The following UBL7 variants were observed in gnomAD, a reference collection of about 807,000 sequenced individuals.
UBL7 encodes the protein ubiquitin-like protein 7.
UBL7 carries 21 observed loss-of-function variants against 41.7 expected under a neutral mutation model. The ratio of observed to expected loss-of-function variants is 0.50; its 90% CI spans 0.36 to 0.73. UBL7 has a LOEUF of 0.73. Among genes scored for constraint, UBL7 ranks in the 30% least tolerant of loss-of-function variants. The pLI is 0.00. For missense variants in UBL7, 403 were observed against 478.4 expected (o/e 0.84, Z 1.47); for synonymous variants, 157 against 186.9 (o/e 0.84, Z 1.31).
intron 3 of UBL7, among the ~76,000 whole-genome samples, chr15:74,455,558 T>G (rs2061285976): frequency 6.6e-6 from 1 of 152,218 alleles, no homozygotes; most frequent in South Asian, 2.1e-4. Context: ...TGCCAAAAGT[T>G]TCCAGCTTTT....
chr15:74,451,492 G>A lies in UBL7; in HGVS notation c.416C>T (p.Ser139Phe). Residue 139 changes from serine to phenylalanine, a missense_variant, in exon 5 of 11, where the codon TCT becomes TTT. Physicochemically the swap from Ser to Phe is radical, Grantham distance 155. Transcript: ENST00000395081. ...AVFKMLSNKE[S>F]LDQIIVATPG... ...GGTGGCCACAATGATCTGATCCAGA[G>A]ACTCCTTATTGCTGAGCATCTTAAA... 6.2e-7 allele frequency: 1 copy of A among 1,614,108 alleles called. No individual in the cohort carries two copies. The highest frequency in any genetic ancestry group is 8.5e-7 in the Non-Finnish European group (1 of 1,180,034).
chr15:74,450,497 T>G (rs919424204), intron 6 of UBL7, among the ~76,000 whole-genome samples: 3 of 152,232 alleles, frequency 2.0e-5, no homozygotes, highest in Non-Finnish European at 4.4e-5. Context: ...TTTACGGATC[T>G]GTACACCTGC....
In UBL7 at chr15:74,450,848, C is replaced by T; in HGVS notation, c.484G>A (p.Asp162Asn). ...GCGAAGACAGAGAAGAGGTCCTTGT[C>T]CTGGAGAACCCCTGAAAAAGAGCAG... is the stretch of plus-strand genomic sequence containing the variant. ...SDPIALGVLQ[D>N]KDLFSVFADP... is the part of the protein sequence containing the mutation. The change falls in exon 6 of 11, where the codon GAC becomes AAC. Residue 162 changes from aspartate to asparagine, a missense_variant. Coordinates refer to ENST00000395081, the MANE Select transcript of UBL7 (RefSeq NM_032907.5). 6.2e-7 allele frequency: 1 copy of T among 1,613,534 alleles called. No individual in the cohort carries two copies. Among genetic ancestry groups the T allele is most frequent in the East Asian group, 2.2e-5 (1 of 44,872 alleles).
chr15:74,449,971 C>T lies in UBL7; in HGVS notation c.629G>A (p.Arg210Gln), dbSNP rs755501444. 3 of 1,613,118 alleles carry T rather than the reference C, an allele frequency of 1.9e-6. No individual in the cohort carries two copies. Among genetic ancestry groups the T allele is most frequent in the African/African-American group, 1.3e-5 (1 of 75,034 alleles). ...CCGGTATGAGCTGGAGGGCATGCTCCGGGAAGAGGAGTCAGTCCCAGGCAT... is the reference window on the plus strand; with the variant it reads ...CCGGTATGAGCTGGAGGGCATGCTCTGGGAAGAGGAGTCAGTCCCAGGCAT... ...APMPGTDSSSRSMPSSSYRDM... is the reference protein window; with the variant it reads ...APMPGTDSSSQSMPSSSYRDM... The change falls in exon 7 of 11, where the codon CGG becomes CAG. Residue 210 changes from arginine to glutamine, a missense_variant. By Grantham distance (43) the Arg-to-Gln change is conservative. Coordinates refer to ENST00000395081, the MANE Select transcript of UBL7 (RefSeq NM_032907.5).
intron 2 of UBL7, 141 bp from the exon 3 acceptor site, chr15:74,456,812 A>G (rs2061299410): frequency 2.8e-6 from 3 of 1,053,540 alleles, no homozygotes; most frequent in Non-Finnish European, 4.0e-6. Context: ...CTTAACAAAT[A>G]CTTTTTTTTT....
chr15:74,448,367 T>C lies in UBL7; in HGVS notation c.1005+111A>G, dbSNP rs2061205982. The C allele has an allele frequency of 2.6e-6, 4 of 1,512,372 alleles. No individual in the cohort carries two copies. In the South Asian group the frequency reaches 4.8e-5, roughly 18 times the overall value. 93.7% of individuals were successfully genotyped at this position (1,512,372 alleles called of 1,614,324 possible). ...TGTCCCACTGCCATGCTCCAGCTGT[T>C]CCTAGAATGAAGCATGCCAGGTGTG... On this transcript the variant is annotated intron_variant, in intron 10 of 10. Transcript: ENST00000395081.
At chr15:74,450,160 C>A in intron 6 of UBL7, 91 bp from the exon 7 acceptor site, 1 of 1,414,044 alleles carries the variant, frequency 7.1e-7, no homozygotes, top group Non-Finnish European at 9.4e-7. Context: ...CACAACAATG[C>A]AGCCACCTGT....
Position 74,451,898 on chromosome 15 carries a change from G to A in UBL7, c.388-378C>T, listed in dbSNP as rs550849579. On this transcript the variant is annotated intron_variant, in intron 4 of 10. Coordinates refer to ENST00000395081, the MANE Select transcript of UBL7 (RefSeq NM_032907.5). ...TTACTATTTCATATTTGTATATATC[G>A]CTAAGTTCACAGCTATACTAATTTT... 4.0e-4 allele frequency among the ~76,000 whole-genome samples: 61 copies of A among 152,048 alleles called. 1 individual carries two copies. The highest frequency in any genetic ancestry group is 1.4e-3 in the African/African-American group (58 of 41,436).
chr15:74,456,433 T>G, intron 3 of UBL7, 119 bp downstream of exon 3: 1 of 1,326,538 alleles, frequency 7.5e-7, no homozygotes, highest in Non-Finnish European at 1.0e-6. Flanking sequence ...ATATCATTTA[T>G]CATCAGCTCA....
At chr15:74,449,483 G>C in intron 8 of UBL7, 130 bp from the exon 9 acceptor site, 3 of 1,537,484 alleles carry the variant, frequency 2.0e-6, no homozygotes, top group Non-Finnish European at 2.7e-6. Context: ...TCCAAAAGCA[G>C]AAATAGTATG....
At chr15:74,457,145 T>G (rs2061302527) in intron 2 of UBL7, among the ~76,000 whole-genome samples, 1 of 152,198 alleles carries the variant, frequency 6.6e-6, no homozygotes. Context: ...TTTGCAAATA[T>G]AAACTCATAA....
intron 6 of UBL7, 114 bp downstream of exon 6, chr15:74,450,688 A>C: frequency 8.9e-7 from 1 of 1,128,500 alleles, no homozygotes; most frequent in Non-Finnish European, 1.3e-6. Context: ...TAAGGGGTAG[A>C]CTTGGTGACA....
chr15:74,449,239 C>A lies in UBL7; in HGVS notation c.829G>T (p.Ala277Ser). The change falls in exon 9 of 11, where the codon GCC becomes TCC. Residue 277 changes from alanine (A) to serine (S), a missense_variant. Physicochemically the swap from Ala to Ser is moderately conservative, Grantham distance 99 (BLOSUM62 1). Transcript: ENST00000395081. ...CTGCTCTCCGGAGTGCTGGCCAGGG[C>A]CAAGGCGGTGGCCAGCTCACTCTGG... ...ITQSELATALALASTPESSSH... is the reference protein window; with the variant it reads ...ITQSELATALSLASTPESSSH... 6.2e-7 allele frequency: 1 copy of A among 1,607,440 alleles called. No homozygotes were observed. Among genetic ancestry groups the A allele is most frequent in the South Asian group, 1.1e-5 (1 of 90,122 alleles).
chr15:74,454,194 C>A (rs1355173686), intron 3 of UBL7, among the ~76,000 whole-genome samples: 1 of 152,176 alleles, frequency 6.6e-6, no homozygotes, highest in Non-Finnish European at 1.5e-5. Context: ...CCCTGCAGGG[C>A]CACTGTAATG....
At position 74,459,132 on chromosome 15, in the gene UBL7, T is replaced by A. The variant is rs1485962781; in HGVS notation, c.-29-236A>T. On this transcript the variant is annotated intron_variant, in intron 1 of 10. Coordinates refer to ENST00000395081, the MANE Select transcript of UBL7 (RefSeq NM_032907.5). The stretch of plus-strand genomic sequence containing the variant: ...ACGTGGACATAAAAACGCCATCCAA[T>A]CTAATAGGAATGTTGTGAGAGAGAT... 4 of 456,902 alleles carry A rather than the reference T, an allele frequency of 8.8e-6. No homozygotes were observed. The East Asian group carries it at 1.5e-4, about 17-fold the overall frequency. 28.3% of individuals were successfully genotyped at this position (456,902 alleles called of 1,614,324 possible). A position where few individuals can be genotyped will look rare whatever the true frequency, so the allele number is the denominator to read the frequency against.
intron 1 of UBL7, among the ~76,000 whole-genome samples, chr15:74,460,472 C>A (rs192359854): frequency 6.6e-6 from 1 of 152,122 alleles, no homozygotes; most frequent in Admixed American, 6.6e-5. Flanking sequence ...TTTCTCTTCC[C>A]TTTTTGGCCT....
In UBL7 at chr15:74,458,781, TTC is replaced by T; in HGVS notation, c.85_86del (p.Glu29ThrfsTer10). On this transcript the variant is annotated frameshift_variant, in exon 2 of 11. Coordinates refer to ENST00000395081, the MANE Select transcript of UBL7 (RefSeq NM_032907.5). LOFTEE classifies it high-confidence loss of function. ...PKSILRLPET[E>X]LGEYSLGGYS... ...AGCCCCCTAGCGAGTATTCTCCCAG[TTC>T]TGTCTCTGGCAACCGAAGAATAGAC... 1 of 1,614,012 alleles carries T rather than the reference TTC, an allele frequency of 6.2e-7. No individual in the cohort carries two copies. Among genetic ancestry groups the T allele is most frequent in the Non-Finnish European group, 8.5e-7 (1 of 1,180,042 alleles).
At position 74,458,879 on chromosome 15, in the gene UBL7, C is replaced by T. The variant is rs367683151; in HGVS notation, c.-12G>A. 9.3e-6 allele frequency: 15 copies of T among 1,607,212 alleles called. No individual in the cohort carries two copies. In the African/African-American group the frequency reaches 1.2e-4, roughly 13 times the overall value. On this transcript the variant is annotated 5_prime_UTR_variant, in exon 2 of 11. Transcript: ENST00000395081. Reference sequence around the variant, plus strand: ...TCTGAGAGAGACATCCTCTCTCTTTCGCGCTCTCTCTTTCTCCCTGTAAAA... The same window carrying T: ...TCTGAGAGAGACATCCTCTCTCTTTTGCGCTCTCTCTTTCTCCCTGTAAAA...
rs2061207163 is a variant in UBL7 at position 74,448,492 on chromosome 15, G to T, written c.991C>A (p.Gln331Lys). ...GGAAGACTGACCTGAAGGCTGGGCT[G>T]CCCAGAGGCCTGAAGGGCATGCTGT... ...ALQHALQASG[Q>K]PSLQSQWQPQ... The change falls in exon 10 of 11, where the codon CAG becomes AAG. Residue 331 changes from glutamine (Q) to lysine (K), a missense_variant. By Grantham distance (53) the Gln-to-Lys change is moderately conservative (BLOSUM62 1). Coordinates refer to ENST00000395081, the MANE Select transcript of UBL7 (RefSeq NM_032907.5). 1 of 1,614,006 alleles carries T rather than the reference G, an allele frequency of 6.2e-7. No homozygotes were observed. The highest frequency in any genetic ancestry group is 2.2e-5 in the East Asian group (1 of 44,862).
Sources: gnomAD v4.1 joint callset for allele counts (sites outside exome capture counted in the v4.1 genomes callset) on GRCh38, gnomAD v4.1.1 for gene constraint, MANE v1.5 for transcripts, NCBI Gene and HGNC (gene_info 2026-07-23, HGNC 2026-07-21) for gene names.